Variants in CACNA2D1 observed in about 807,000 individuals in gnomAD.
CACNA2D1 encodes the protein calcium voltage-gated channel auxiliary subunit alpha2delta 1.
A neutral mutation model predicts 171.5 loss-of-function variants in CACNA2D1; 53 were observed. That is an observed-to-expected ratio of 0.31 (90% CI 0.25 to 0.39). The LOEUF is 0.39. Ranked by LOEUF, CACNA2D1 falls within the 10% of genes least tolerant of loss-of-function variation. The pLI is 1.00. For missense variants in CACNA2D1, 903 were observed against 1,299.8 expected (o/e 0.69, Z 4.69); for synonymous variants, 442 against 443.1 (o/e 1.00, Z 0.03).
intron 3 of CACNA2D1, among the ~76,000 whole-genome samples, chr7:82,244,639 G>C (rs774402559): frequency 6.6e-6 from 1 of 151,868 alleles, no homozygotes; most frequent in Non-Finnish European, 1.5e-5. Context: ...GGGAAAAAAA[G>C]CAAGCAAAAA....
At chr7:82,361,761 T>C (rs1015881819) in intron 1 of CACNA2D1, among the ~76,000 whole-genome samples, 1 of 152,176 alleles carries the variant, frequency 6.6e-6, no homozygotes, top group African/African-American at 2.4e-5. Context: ...AAGGCTTTTT[T>C]AAACATTTTT....
intron 8 of CACNA2D1, among the ~76,000 whole-genome samples, chr7:82,065,330 T>C (rs561468949): frequency 1.2e-4 from 19 of 152,224 alleles, no homozygotes; most frequent in African/African-American, 4.3e-4. Context: ...GGCTGATGCC[T>C]AGTATCTTAA....
chr7:82,385,814 G>A (rs1585751502), intron 1 of CACNA2D1, among the ~76,000 whole-genome samples: 1 of 152,022 alleles, frequency 6.6e-6, no homozygotes, highest in South Asian at 2.1e-4. Context: ...ACAGGAACCT[G>A]CCACCATGCC....
chr7:82,438,699 G>T (rs1485026887), intron 1 of CACNA2D1, among the ~76,000 whole-genome samples: 1 of 152,164 alleles, frequency 6.6e-6, no homozygotes, highest in Non-Finnish European at 1.5e-5. Flanking sequence ...TTCATGAAAA[G>T]AAAGACTGGT....
chr7:82,394,851 C>T (rs1276987127), intron 1 of CACNA2D1, among the ~76,000 whole-genome samples: 4 of 152,286 alleles, frequency 2.6e-5, no homozygotes, highest in Admixed American at 1.3e-4. Flanking sequence ...TAGCTCTCCC[C>T]TCTGGGTTTG....
chr7:82,255,404 T>G (rs1316730097), intron 3 of CACNA2D1, among the ~76,000 whole-genome samples: 1 of 152,196 alleles, frequency 6.6e-6, no homozygotes, highest in Non-Finnish European at 1.5e-5. Context: ...GAGTACATAA[T>G]AAAGCTAGCT....
At chr7:82,151,735 G>T (rs3801740) in intron 4 of CACNA2D1, among the ~76,000 whole-genome samples, 60,848 of 151,810 alleles carry the variant, frequency 0.4, 12,996 homozygotes, top group African/African-American at 0.56. Flanking sequence ...GATGTGTTAT[G>T]GAACAAAGGA....
chr7:82,077,043 C>G (rs1303233455), intron 7 of CACNA2D1, among the ~76,000 whole-genome samples: 1 of 152,124 alleles, frequency 6.6e-6, no homozygotes, highest in Non-Finnish European at 1.5e-5. Flanking sequence ...ATTTAAGTGA[C>G]TTGGCATTTA....
intron 3 of CACNA2D1, among the ~76,000 whole-genome samples, chr7:82,198,667 CTTTT>C (rs11333417): frequency 1.4e-5 from 2 of 139,440 alleles, no homozygotes; most frequent in African/African-American, 5.2e-5. Context: ...ATATCTGGAA[CTTTT>C]TTTTTTTTTT....
intron 6 of CACNA2D1, among the ~76,000 whole-genome samples, chr7:82,110,899 T>C (rs533196347): frequency 1.3e-5 from 2 of 152,248 alleles, no homozygotes; most frequent in East Asian, 3.9e-4. Context: ...CACTACGATA[T>C]ACACTATTAT....
intron 12 of CACNA2D1, among the ~76,000 whole-genome samples, chr7:82,023,480 C>T (rs1489277840): frequency 6.6e-6 from 1 of 151,736 alleles, no homozygotes; most frequent in Admixed American, 6.6e-5. Context: ...CTGGATTGCT[C>T]TGAAAGATTT....
intron 7 of CACNA2D1, among the ~76,000 whole-genome samples, chr7:82,072,710 T>C (rs546432487): frequency 6.6e-6 from 1 of 152,092 alleles, no homozygotes; most frequent in South Asian, 2.1e-4. Flanking sequence ...CCTAGCCTAG[T>C]GTAGAAATTA....
At chr7:81,962,610 G>A in intron 34 of CACNA2D1, 115 bp from the exon 35 acceptor site, 3 of 708,054 alleles carry the variant, frequency 4.2e-6, no homozygotes, top group Non-Finnish European at 7.4e-6. Context: ...AAGTCTTGGA[G>A]TGTTTTTATT....
intron 6 of CACNA2D1, among the ~76,000 whole-genome samples, chr7:82,095,401 G>A (rs10225295): frequency 0.43 from 65,900 of 151,884 alleles, 15,208 homozygotes; most frequent in African/African-American, 0.58. Flanking sequence ...ATACTGGGTA[G>A]GGTAGGCACC....
At chr7:81,967,992 A>T (rs1186036836) in intron 29 of CACNA2D1, among the ~76,000 whole-genome samples, 1 of 151,502 alleles carries the variant, frequency 6.6e-6, no homozygotes, top group Non-Finnish European at 1.5e-5. Flanking sequence ...CAGTGCTTGC[A>T]GTAGGTGCTT....
In CACNA2D1 at chr7:82,248,936, T is replaced by G. The variant is rs557541690; in HGVS notation, c.295-78327A>C. ...ATCGAGACCATCCTGGCTAATACGG[T>G]GAAACCCTGTCTCTACTAAAAATAC... On this transcript the variant is annotated intron_variant, in intron 3 of 38. Coordinates refer to ENST00000356860, the MANE Select transcript of CACNA2D1 (RefSeq NM_000722.4). Among the ~76,000 whole-genome samples the G allele has an allele frequency of 1.9e-3, 282 of 151,778 alleles. 3 individuals are homozygous for G. Among genetic ancestry groups the G allele is most frequent in the African/African-American group, 6.2e-3 (257 of 41,370 alleles).
At chr7:82,239,178 G>C (rs554824270) in intron 3 of CACNA2D1, among the ~76,000 whole-genome samples, 44 of 151,998 alleles carry the variant, frequency 2.9e-4, no homozygotes, top group African/African-American at 1.0e-3. Flanking sequence ...ATACTACTAT[G>C]CCAAGAAAAT....
At chr7:82,416,989 G>T (rs901149506) in intron 1 of CACNA2D1, among the ~76,000 whole-genome samples, 1 of 152,198 alleles carries the variant, frequency 6.6e-6, no homozygotes, top group Non-Finnish European at 1.5e-5. Context: ...GCACGTAAAG[G>T]AAAGAGTGAT....
intron 5 of CACNA2D1, among the ~76,000 whole-genome samples, chr7:82,128,240 T>C (rs898067692): frequency 6.6e-6 from 1 of 152,076 alleles, no homozygotes; most frequent in Non-Finnish European, 1.5e-5. Context: ...GCTACCTGTG[T>C]TTTTAAGTTT....
Sources: allele counts gnomAD v4.1 joint callset (sites outside exome capture counted in the v4.1 genomes callset), GRCh38; gene constraint gnomAD v4.1.1; transcripts MANE v1.5; gene names NCBI Gene and HGNC (gene_info 2026-07-23, HGNC 2026-07-21).